The following SLC35E4 variants were observed in gnomAD, a reference collection of about 807,000 sequenced individuals.
The protein encoded by SLC35E4 is solute carrier family 35, member E4.
In SLC35E4, 15 loss-of-function variants were observed where a neutral mutation model predicts 19.3. The ratio of observed to expected loss-of-function variants is 0.78; its 90% confidence interval spans 0.52 to 1.20. SLC35E4 has a LOEUF of 1.20. SLC35E4 is among the 50% of genes most tolerant of loss of function. The pLI is 0.00. For missense variants in SLC35E4, 406 were observed against 472.3 expected (o/e 0.86, Z 1.30); for synonymous variants, 219 against 219.9 (o/e 1.00, Z 0.04).
At position 30,646,645 on chromosome 22, in the gene SLC35E4, G is replaced by T; in HGVS notation, c.667G>T (p.Ala223Ser). The T allele has an allele frequency of 6.2e-7, 1 of 1,611,458 alleles. No individual in the cohort carries two copies. The highest frequency in any genetic ancestry group is 8.5e-7 in the Non-Finnish European group (1 of 1,178,934). ...GCTGGACGCGGTGACCCTGCTTTAC[G>T]CCACCTCGCTGCCCAGCTTCTGCCT... Reference protein sequence around the residue: ...ERLDAVTLLYATSLPSFCLLA... With the variant: ...ERLDAVTLLYSTSLPSFCLLA... Residue 223 changes from alanine (A) to serine (S), a missense_variant, in exon 2 of 2, where the codon GCC becomes TCC. Ala to Ser is a moderately conservative substitution (Grantham distance 99). Transcript: ENST00000343605.
At chr22:30,651,441 T>A (rs1179013977), downstream of SLC35E4, among the ~76,000 whole-genome samples, 112 of 64,720 alleles carry the variant, frequency 1.7e-3, no homozygotes, top group Non-Finnish European at 3.6e-3. Flanking sequence ...TTTTTTTTTT[T>A]TTTTTTTTTT....
At chr22:30,640,575 C>T (rs1331152828) in intron 1 of SLC35E4, among the ~76,000 whole-genome samples, 1 of 152,110 alleles carries the variant, frequency 6.6e-6, no homozygotes, top group African/African-American at 2.4e-5. Context: ...AGGCTGGCTT[C>T]CTGCCTTTCC....
downstream of SLC35E4, among the ~76,000 whole-genome samples, chr22:30,650,058 G>A (rs1239917326): frequency 2.7e-5 from 4 of 149,660 alleles, 1 homozygote; most frequent in African/African-American, 9.9e-5. Context: ...TTGGTGGGAT[G>A]TGGTGGCTCA....
downstream of SLC35E4, among the ~76,000 whole-genome samples, chr22:30,664,312 A>G (rs940603489): frequency 3.3e-5 from 5 of 152,196 alleles, no homozygotes; most frequent in African/African-American, 1.2e-4. Flanking sequence ...CATGCTTCTC[A>G]GGTGGTCTAA....
At chr22:30,660,253 G>C (rs535051629) in intron 2 of SLC35E4, among the ~76,000 whole-genome samples, 104 of 152,302 alleles carry the variant, frequency 6.8e-4, no homozygotes, top group Non-Finnish European at 1.2e-3. Flanking sequence ...GTGGTAATTT[G>C]TTACAGCACC....
intron 2 of SLC35E4, chr22:30,654,572 A>C (rs1158460328): frequency 2.4e-5 from 11 of 456,578 alleles, no homozygotes; most frequent in Admixed American, 2.0e-4. Flanking sequence ...CCGCCAGAAG[A>C]TGCGGCTGGG....
downstream of SLC35E4, chr22:30,663,670 C>A: frequency 4.3e-6 from 7 of 1,614,220 alleles, no homozygotes; most frequent in Non-Finnish European, 5.9e-6. Flanking sequence ...CACAGGGCAG[C>A]TGAGCGGCTC....
Position 30,636,792 on chromosome 22 carries a change from T to C in SLC35E4, c.342T>C (p.Ser114=). Residue 114 remains serine, a synonymous_variant, in exon 1 of 2, where the codon AGT becomes AGC. Transcript: ENST00000343605. ...CTCGCTGCCGAGTCCTACTGCTCAG[T>C]CTCACCTTTGGCACGTCCATGGCCT... ...GGTRCRVLLL[S]LTFGTSMACG... is the part of the protein sequence containing the mutation. 1.2e-6 allele frequency: 2 copies of C among 1,612,672 alleles called. No individual in the cohort carries two copies. The highest frequency in any genetic ancestry group is 2.2e-5 in the South Asian group (2 of 90,948).
chr22:30,658,737 G>T (rs2088396184), intron 2 of SLC35E4, among the ~76,000 whole-genome samples: 1 of 152,186 alleles, frequency 6.6e-6, no homozygotes, highest in Non-Finnish European at 1.5e-5. Context: ...CTGACCCTAA[G>T]CAGTATTCCA....
chr22:30,641,600 C>T lies in SLC35E4; in HGVS notation c.619+4531C>T, dbSNP rs1602073448. 2.0e-5 allele frequency among the ~76,000 whole-genome samples: 3 copies of T among 151,486 alleles called. No individual in the cohort carries two copies. In the South Asian group the frequency reaches 6.3e-4, roughly 32 times the overall value. On this transcript the variant is annotated intron_variant, in intron 1 of 1. Transcript: ENST00000343605. ...TCTCTCTGTCGCCCAGGCTGGAATG[C>T]AGCAGTGCAATCTCAGCTCATTGCA...
downstream of SLC35E4, chr22:30,663,611 G>A: frequency 6.2e-7 from 1 of 1,614,250 alleles, no homozygotes; most frequent in South Asian, 1.1e-5. Flanking sequence ...TGGTCCACGT[G>A]TGGGCGTCCA....
chr22:30,651,427 ATTTTTTTTT>A (rs1160256288), downstream of SLC35E4, among the ~76,000 whole-genome samples: 6 of 22,158 alleles, frequency 2.7e-4, no homozygotes, highest in African/African-American at 8.5e-4. Flanking sequence ...ATATATATAT[ATTTTTTTTT>A]TTTTTTTTTT....
intron 1 of SLC35E4, among the ~76,000 whole-genome samples, chr22:30,645,281 CAG>C (rs1602077834): frequency 6.6e-6 from 1 of 152,228 alleles, no homozygotes; most frequent in East Asian, 1.9e-4. Context: ...CCAGTTGATG[CAG>C]AGTCTTCGAA....
Position 30,636,965 on chromosome 22 carries a change from T to G in SLC35E4, c.515T>G (p.Leu172Arg), listed in dbSNP as rs150781327. The G allele has an allele frequency of 7.1e-3, 11,395 of 1,611,718 alleles. 41 individuals carry two copies. Among genetic ancestry groups the G allele is most frequent in the Non-Finnish European group, 8.9e-3 (10,454 of 1,178,994 alleles). Reference protein sequence around the residue: ...LQLAAMGPLCLGAACSLAGEF... With the variant: ...LQLAAMGPLCRGAACSLAGEF... ...TTGGCCGCCATGGGTCCGCTCTGCC[T>G]GGGGGCCGCCTGCAGCCTGGCTGGA... Residue 172 changes from leucine to arginine, a missense_variant, in exon 1 of 2, where the codon CTG becomes CGG. Transcript: ENST00000343605.
intron 1 of SLC35E4, among the ~76,000 whole-genome samples, chr22:30,645,949 G>A (rs1404739836): frequency 6.6e-6 from 1 of 151,834 alleles, no homozygotes; most frequent in African/African-American, 2.4e-5. Context: ...CTCCTGAGTA[G>A]CTGGGACTAA....
chr22:30,637,634 C>T (rs1259618468), intron 1 of SLC35E4, among the ~76,000 whole-genome samples: 1 of 152,090 alleles, frequency 6.6e-6, no homozygotes, highest in Non-Finnish European at 1.5e-5. Flanking sequence ...CAGCGATCTT[C>T]CCCCCTCAGC....
At chr22:30,651,427 ATTTTTTTT>A (rs1160256288), downstream of SLC35E4, among the ~76,000 whole-genome samples, 23 of 22,136 alleles carry the variant, frequency 1.0e-3, no homozygotes, top group African/African-American at 4.5e-3. Context: ...ATATATATAT[ATTTTTTTT>A]TTTTTTTTTT....
chr22:30,647,779 G>A lies in SLC35E4; in HGVS notation c.*748G>A, dbSNP rs3179442. 79,889 of 151,920 alleles carry A rather than the reference G, an allele frequency of 0.53. 21,206 individuals carry two copies. The highest frequency in any genetic ancestry group is 0.6 in the Admixed American group (9,241 of 15,282). The allele number at this position is 151,920 out of a possible 1,614,324, so 9.4% of individuals were successfully genotyped here. The stretch of plus-strand genomic sequence containing the variant: ...CAGCAGGGGGGCTTCTATGCTGCTG[G>A]GCTCCCCTAGGGAGTTGGGGTAGTC... On this transcript the variant is annotated 3_prime_UTR_variant, in exon 2 of 2. Transcript: ENST00000343605.
At chr22:30,637,627 C>T (rs1290419281) in intron 1 of SLC35E4, among the ~76,000 whole-genome samples, 2 of 152,058 alleles carry the variant, frequency 1.3e-5, no homozygotes, top group African/African-American at 2.4e-5. Context: ...CTGTCCTCAG[C>T]GATCTTCCCC....
Sources: gnomAD v4.1 joint callset for allele counts (sites outside exome capture counted in the v4.1 genomes callset) on GRCh38, gnomAD v4.1.1 for gene constraint, MANE v1.5 for transcripts, NCBI Gene and HGNC (gene_info 2026-07-23, HGNC 2026-07-21) for gene names.